GRAMD1B: variants seen among roughly 807,000 people sequenced by gnomAD.
The protein encoded by GRAMD1B is GRAM domain containing 1B.
GRAMD1B carries 37 observed loss-of-function variants against 99.7 expected under a neutral mutation model. That is an observed-to-expected ratio of 0.37 (90% CI 0.29 to 0.49). The LOEUF is 0.49. GRAMD1B is among the 20% of genes least tolerant of loss of function. The pLI, the probability that GRAMD1B is intolerant of heterozygous loss-of-function variation, is 0.98. For synonymous variants in GRAMD1B, 427 were observed against 387.6 expected (o/e 1.10, Z -1.19); for missense variants, 888 against 1,009.2 (o/e 0.88, Z 1.63).
intron 1 of GRAMD1B, among the ~76,000 whole-genome samples, chr11:123,462,225 CCAAAGTG>C (rs1465406538): frequency 6.6e-6 from 1 of 152,042 alleles, no homozygotes; most frequent in Non-Finnish European, 1.5e-5. Flanking sequence ...CCTTGGCCTC[CCAAAGTG>C]CTGGGATTAC....
intron 2 of GRAMD1B, among the ~76,000 whole-genome samples, chr11:123,490,755 G>A (rs1938463426): frequency 6.6e-6 from 1 of 152,180 alleles, no homozygotes; most frequent in Non-Finnish European, 1.5e-5. Context: ...CTATTGAAAG[G>A]TAAGGAAGCA....
intron 2 of GRAMD1B, among the ~76,000 whole-genome samples, chr11:123,528,586 T>G (rs887649722): frequency 6.6e-6 from 1 of 152,150 alleles, no homozygotes; most frequent in African/African-American, 2.4e-5. Context: ...GAACCAGGCT[T>G]TGGGCTTACA....
intron 1 of GRAMD1B, among the ~76,000 whole-genome samples, chr11:123,470,237 ATATTATCTCCATAT>A (rs1188201772): frequency 1.3e-5 from 2 of 152,206 alleles, no homozygotes; most frequent in African/African-American, 2.4e-5. Flanking sequence ...GACACTTAAA[ATATTATCTCCATAT>A]TATCTCCAAC....
At chr11:123,595,199 A>G (rs1951124705) in intron 6 of GRAMD1B, among the ~76,000 whole-genome samples, 1 of 151,946 alleles carries the variant, frequency 6.6e-6, no homozygotes, top group Admixed American at 6.6e-5. Context: ...TTCTGTAACT[A>G]ATCAGCGGTG....
At chr11:123,375,209 T>C (rs2135753848) in intron 1 of GRAMD1B, among the ~76,000 whole-genome samples, 1 of 152,238 alleles carries the variant, frequency 6.6e-6, no homozygotes, top group Middle Eastern at 3.4e-3. Flanking sequence ...AGATCTGGGG[T>C]TCAAATCTAG....
chr11:123,578,641 A>T (rs972841769), intron 3 of GRAMD1B, among the ~76,000 whole-genome samples: 11 of 150,554 alleles, frequency 7.3e-5, no homozygotes, highest in African/African-American at 2.7e-4. Flanking sequence ...CGGAGAACAG[A>T]CCCTCCCCCA....
rs1331430136 is a variant in GRAMD1B at position 123,492,399 on chromosome 11, C to T, written c.452+11506C>T. Reference sequence around the variant, plus strand: ...GTGTTTGGGGCCATTGCTGTGTGTTCATTTCTATATCACCTCGTCGGGCAC... The same window carrying T: ...GTGTTTGGGGCCATTGCTGTGTGTTTATTTCTATATCACCTCGTCGGGCAC... On this transcript the variant is annotated intron_variant, in intron 2 of 19. Transcript: ENST00000635736. The surrounding 1 kb of genome is among the most constrained non-coding windows in gnomAD (Gnocchi z 4.2). Among the ~76,000 whole-genome samples the T allele has an allele frequency of 1.3e-5, 2 of 152,098 alleles. No individual in the cohort carries two copies. Among genetic ancestry groups the T allele is most frequent in the African/African-American group, 4.8e-5 (2 of 41,402 alleles).
rs562762989 is a variant in GRAMD1B at position 123,581,947 on chromosome 11, G to T, written c.664-2365G>T. On this transcript the variant is annotated intron_variant, in intron 3 of 19. Coordinates refer to ENST00000635736, the MANE Select transcript of GRAMD1B (RefSeq NM_001387025.1). ...GTGCAGGAGGAGTCACAGGCATCCGGGGTCCCCCTGTCAGCCCATGTTCCT... is the reference window on the plus strand; with the variant it reads ...GTGCAGGAGGAGTCACAGGCATCCGTGGTCCCCCTGTCAGCCCATGTTCCT... 2.6e-5 allele frequency among the ~76,000 whole-genome samples: 4 copies of T among 152,362 alleles called. No individual in the cohort carries two copies. In the East Asian group the frequency reaches 7.7e-4, roughly 29 times the overall value.
chr11:123,414,346 AATC>A (rs1166812769), intron 1 of GRAMD1B, among the ~76,000 whole-genome samples: 1 of 152,154 alleles, frequency 6.6e-6, no homozygotes, highest in African/African-American at 2.4e-5. Context: ...AGTCCAGCCC[AATC>A]ATCATCATCA....
chr11:123,599,603 G>A (rs535429935), intron 7 of GRAMD1B, among the ~76,000 whole-genome samples: 1 of 152,318 alleles, frequency 6.6e-6, no homozygotes, highest in East Asian at 1.9e-4. Context: ...CTCCGGAATA[G>A]CTGAGATTAC....
chr11:123,570,826 C>T (rs991574336), intron 2 of GRAMD1B, among the ~76,000 whole-genome samples: 4 of 152,230 alleles, frequency 2.6e-5, no homozygotes, highest in Non-Finnish European at 5.9e-5. Context: ...CACAGTAGTC[C>T]TATGAGATAG....
intron 2 of GRAMD1B, among the ~76,000 whole-genome samples, chr11:123,502,224 C>A (rs1042957801): frequency 3.3e-5 from 5 of 152,238 alleles, no homozygotes; most frequent in Non-Finnish European, 7.3e-5. Context: ...CAGTGGCCTG[C>A]ATGCAGTGAT....
chr11:123,367,790 G>A (rs1374872456), intron 1 of GRAMD1B, among the ~76,000 whole-genome samples: 1 of 151,950 alleles, frequency 6.6e-6, no homozygotes, highest in African/African-American at 2.4e-5. Context: ...AACAAGGACA[G>A]TCCAAAGTTA....
chr11:123,511,925 C>T (rs565209769), intron 2 of GRAMD1B, among the ~76,000 whole-genome samples: 3 of 152,230 alleles, frequency 2.0e-5, no homozygotes, highest in Non-Finnish European at 4.4e-5. Flanking sequence ...ATCTCCTGGT[C>T]TGCACAAAGG....
chr11:123,413,582 T>C (rs1200550517), intron 1 of GRAMD1B, among the ~76,000 whole-genome samples: 2 of 152,144 alleles, frequency 1.3e-5, no homozygotes, highest in African/African-American at 4.8e-5. Flanking sequence ...ACATGGGGTT[T>C]ACTTCTATTT....
intron 1 of GRAMD1B, among the ~76,000 whole-genome samples, chr11:123,455,631 C>G (rs1049987268): frequency 6.6e-6 from 1 of 152,208 alleles, no homozygotes; most frequent in Admixed American, 6.5e-5. Flanking sequence ...CTGCCACTTA[C>G]TCTCTGCCCT....
intron 9 of GRAMD1B, among the ~76,000 whole-genome samples, chr11:123,603,941 A>G (rs1952348156): frequency 6.6e-6 from 1 of 152,236 alleles, no homozygotes; most frequent in Non-Finnish European, 1.5e-5. Context: ...AGTGGCAATA[A>G]GTGTTTAGTT....
chr11:123,552,538 A>G (rs895463877), intron 2 of GRAMD1B, among the ~76,000 whole-genome samples: 4 of 150,612 alleles, frequency 2.7e-5, no homozygotes, highest in Non-Finnish European at 5.9e-5. Context: ...GGTGTGAGCC[A>G]CTGCGCTCAG....
At chr11:123,588,704 T>C (rs1950312660) in intron 4 of GRAMD1B, among the ~76,000 whole-genome samples, 1 of 152,164 alleles carries the variant, frequency 6.6e-6, no homozygotes, top group South Asian at 2.1e-4. Context: ...AGCAACCAGG[T>C]ACTGACACGC....
Sources: gnomAD v4.1 joint callset for allele counts (sites outside exome capture counted in the v4.1 genomes callset) on GRCh38, gnomAD v4.1.1 for gene constraint, Gnocchi (gnomAD v3.1) non-coding constraint, MANE v1.5 for transcripts, NCBI Gene and HGNC (gene_info 2026-07-23, HGNC 2026-07-21) for gene names.